The following HERC1 variants were observed in gnomAD, a reference collection of about 807,000 sequenced individuals.
HERC1 encodes the protein probable E3 ubiquitin-protein ligase HERC1.
HERC1 carries 160 observed loss-of-function variants against 554.3 expected under a neutral mutation model. The observed-to-expected ratio is 0.29, with a 90% CI of 0.25 to 0.33. The LOEUF (loss-of-function observed/expected upper bound fraction) is 0.33. Ranked by LOEUF, HERC1 falls within the 10% of genes least tolerant of loss-of-function variation. The probability of loss-of-function intolerance (pLI) is 1.00; values close to 1 mark genes in which losing one functional copy is unlikely to be tolerated. For missense variants in HERC1, 4,919 were observed against 5,918.5 expected (o/e 0.83, Z 5.54); for synonymous variants, 2,175 against 2,131.7 (o/e 1.02, Z -0.56).
At chr15:63,662,402 TTA>T (rs1482374729) in intron 44 of HERC1, among the ~76,000 whole-genome samples, 2 of 152,202 alleles carry the variant, frequency 1.3e-5, no homozygotes, top group Non-Finnish European at 2.9e-5. Context: ...GGAAAAATCA[TTA>T]TGATTCACTT....
At chr15:63,654,967 A>G (rs893953355) in intron 50 of HERC1, among the ~76,000 whole-genome samples, 30 of 152,184 alleles carry the variant, frequency 2.0e-4, no homozygotes, top group African/African-American at 7.0e-4. Flanking sequence ...ACCAGGATGG[A>G]GATGGCATGC....
In HERC1 at chr15:63,658,525, G is replaced by A. The variant is rs1595909537; in HGVS notation, c.9599+19C>T. 6.3e-7 allele frequency: 1 copy of A among 1,590,194 alleles called. No individual in the cohort carries two copies. Among genetic ancestry groups the A allele is most frequent in the Non-Finnish European group, 8.6e-7 (1 of 1,163,242 alleles). ...ACTAGAAGTTAACTTAGCATCATGT[G>A]ACATAAAATAACACTTACCTGACTG... On this transcript the variant is annotated intron_variant, in intron 48 of 77. Coordinates refer to ENST00000443617, the MANE Select transcript of HERC1 (RefSeq NM_003922.4).
At chr15:63,754,756 T>C in intron 6 of HERC1, 108 bp from the exon 7 acceptor site, 1 of 1,102,790 alleles carries the variant, frequency 9.1e-7, no homozygotes, top group East Asian at 2.4e-5. Flanking sequence ...GAATTGAGAT[T>C]TTTTTAATGC....
At chr15:63,682,861 C>G (rs1439629020) in intron 34 of HERC1, among the ~76,000 whole-genome samples, 5 of 151,358 alleles carry the variant, frequency 3.3e-5, no homozygotes, top group African/African-American at 7.3e-5. Context: ...AAAGGCTGGG[C>G]ACAATGGCTC....
In HERC1 at chr15:63,749,921, T is replaced by C; in HGVS notation, c.1903-130A>G. On this transcript the variant is annotated intron_variant, in intron 8 of 77. Coordinates refer to ENST00000443617, the MANE Select transcript of HERC1 (RefSeq NM_003922.4). The surrounding 1 kb of genome is among the most constrained non-coding windows in gnomAD (Gnocchi z 4.1). Reference sequence around the variant, plus strand: ...ATAACTTTCTGATGTTAAAATCATTTTGATCATTTTAAAGATTGTTACAGC... The same window carrying C: ...ATAACTTTCTGATGTTAAAATCATTCTGATCATTTTAAAGATTGTTACAGC... 1 of 786,372 alleles carries C rather than the reference T, an allele frequency of 1.3e-6. No homozygotes were observed. The highest frequency in any genetic ancestry group is 1.9e-6 in the Non-Finnish European group (1 of 526,014). The allele number at this position is 786,372 out of a possible 1,614,324, so 48.7% of individuals were successfully genotyped here. A position where few individuals can be genotyped will look rare whatever the true frequency, so the allele number is the denominator to read the frequency against.
intron 11 of HERC1, 92 bp from the exon 12 acceptor site, chr15:63,747,175 G>T (rs1480064534): frequency 1.6e-6 from 2 of 1,215,894 alleles, no homozygotes; most frequent in African/African-American, 3.0e-5. Context: ...TAAAAATTTT[G>T]TTGGCTAGGT....
At chr15:63,717,292 A>C (rs2073600032) in intron 21 of HERC1, among the ~76,000 whole-genome samples, 1 of 152,220 alleles carries the variant, frequency 6.6e-6, no homozygotes, top group South Asian at 2.1e-4. Flanking sequence ...TGGACTTTCA[A>C]GGTCACCAAC....
chr15:63,749,336 C>T lies in HERC1; in HGVS notation c.2219+31G>A. On this transcript the variant is annotated intron_variant, in intron 10 of 77. Transcript: ENST00000443617. The surrounding 1 kb of genome is among the most constrained non-coding windows in gnomAD (Gnocchi z 4.1). The stretch of plus-strand genomic sequence containing the variant: ...TTTTATTGGTGTTTATGTTAAAACA[C>T]ACAAGAATTTTTAAACATAGGCACT... The T allele has an allele frequency of 2.6e-6, 4 of 1,528,246 alleles. No homozygotes were observed. The highest frequency in any genetic ancestry group is 2.6e-6 in the Non-Finnish European group (3 of 1,135,128). The allele number at this position is 1,528,246 out of a possible 1,614,324, so 94.7% of individuals were successfully genotyped here. A position where few individuals can be genotyped will look rare whatever the true frequency, so the allele number is the denominator to read the frequency against.
At position 63,643,488 on chromosome 15, in the gene HERC1, A is replaced by C. The variant is rs575945102; in HGVS notation, c.11247T>G (p.Pro3749=). 4.3e-6 allele frequency: 7 copies of C among 1,612,088 alleles called. No homozygotes were observed. In the East Asian group the frequency reaches 1.6e-4, roughly 36 times the overall value. ...CAGAACTAAAGGCAACAGTCCGAAC[A>C]GGAGTGATGTGTCCCCGCAGCTGAT... ...CVYQLRGHIT[P]VRTVAFSSDG... is the part of the protein sequence containing the mutation. Residue 3749 remains proline, a synonymous_variant, in exon 58 of 78, where the codon CCT becomes CCG. Transcript: ENST00000443617.
chr15:63,609,297 G>T, intron 77 of HERC1, 31 bp from the exon 78 acceptor site: 1 of 1,571,248 alleles, frequency 6.4e-7, no homozygotes, highest in Non-Finnish European at 8.7e-7. Flanking sequence ...CCGTGACTGG[G>T]GACATCAGAG....
chr15:63,647,958 ATT>A (rs1258718052), intron 55 of HERC1, 109 bp downstream of exon 55: 1 of 836,364 alleles, frequency 1.2e-6, no homozygotes, highest in African/African-American at 1.7e-5. Flanking sequence ...AATGTATGTC[ATT>A]TGGGTGATGG....
At position 63,706,575 on chromosome 15, in the gene HERC1, G is replaced by A. The variant is rs78738976; in HGVS notation, c.4636+205C>T. Among the ~76,000 whole-genome samples the A allele has an allele frequency of 3.1e-3, 464 of 152,118 alleles. No individual in the cohort carries two copies. Among genetic ancestry groups the A allele is most frequent in the African/African-American group, 0.011 (444 of 41,510 alleles). On this transcript the variant is annotated intron_variant, in intron 25 of 77. Coordinates refer to ENST00000443617, the MANE Select transcript of HERC1 (RefSeq NM_003922.4). Reference sequence around the variant, plus strand: ...CTAAACATTCCCAGATTTTTAAAGCGTACATATTTTAAAGAAAATAGTCTT... The same window carrying A: ...CTAAACATTCCCAGATTTTTAAAGCATACATATTTTAAAGAAAATAGTCTT...
Position 63,718,725 on chromosome 15 carries a change from C to T in HERC1, c.3858-31G>A. ...TGAAGAACCAAAATAGAAAAGTTAC[C>T]TAATTTCTGACATCATGAGAGCAAA... On this transcript the variant is annotated intron_variant, in intron 20 of 77. Coordinates refer to ENST00000443617, the MANE Select transcript of HERC1 (RefSeq NM_003922.4). This position sits in a 1 kb window ranked among gnomAD's most constrained non-coding sequence, Gnocchi z 4.2. 1 of 1,601,182 alleles carries T rather than the reference C, an allele frequency of 6.2e-7. No individual in the cohort carries two copies. Among genetic ancestry groups the T allele is most frequent in the Non-Finnish European group, 8.5e-7 (1 of 1,170,156 alleles).
intron 4 of HERC1, among the ~76,000 whole-genome samples, chr15:63,757,885 T>G (rs1021543809): frequency 1.3e-5 from 2 of 151,934 alleles, no homozygotes; most frequent in East Asian, 3.9e-4. Flanking sequence ...AATTTTTGTA[T>G]TTTTAGTAGA....
At chr15:63,623,621 C>G in intron 73 of HERC1, 104 bp downstream of exon 73, 1 of 1,117,516 alleles carries the variant, frequency 8.9e-7, no homozygotes, top group South Asian at 1.4e-5. Flanking sequence ...CAAATGCATC[C>G]TTGCTACATT....
At chr15:63,703,016 A>G (rs1398942508) in intron 25 of HERC1, among the ~76,000 whole-genome samples, 1 of 150,304 alleles carries the variant, frequency 6.7e-6, no homozygotes, top group Non-Finnish European at 1.5e-5. Flanking sequence ...AGGCAGGAGA[A>G]TTGCTTGAAC....
intron 33 of HERC1, among the ~76,000 whole-genome samples, chr15:63,687,293 A>AC (rs2071818844): frequency 6.6e-6 from 1 of 152,132 alleles, no homozygotes; most frequent in Non-Finnish European, 1.5e-5. Flanking sequence ...TAATCCCAGC[A>AC]ATTTGAGAGA....
At chr15:63,665,316 G>A (rs1001390849) in intron 42 of HERC1, among the ~76,000 whole-genome samples, 1 of 152,136 alleles carries the variant, frequency 6.6e-6, no homozygotes, top group Admixed American at 6.5e-5. Context: ...GGTGGATCAC[G>A]AAGTCTGGAG....
chr15:63,799,375 T>G (rs2076908221), intron 1 of HERC1, among the ~76,000 whole-genome samples: 1 of 151,852 alleles, frequency 6.6e-6, no homozygotes, highest in Non-Finnish European at 1.5e-5. Flanking sequence ...TGGCTTGCAC[T>G]TGTAGTCCCA....
Sources: allele counts gnomAD v4.1 joint callset (sites outside exome capture counted in the v4.1 genomes callset), GRCh38; gene constraint gnomAD v4.1.1; non-coding constraint Gnocchi (gnomAD v3.1); transcripts MANE v1.5; gene names NCBI Gene and HGNC (gene_info 2026-07-23, HGNC 2026-07-21).